CSMD3: variants seen among roughly 807,000 people sequenced by gnomAD.
CSMD3 encodes CUB and Sushi multiple domains 3.
CSMD3 carries 177 observed loss-of-function variants against 435.2 expected under a neutral mutation model. The ratio of observed to expected loss-of-function variants is 0.41; its 90% CI spans 0.36 to 0.46. CSMD3 has a LOEUF of 0.46. CSMD3 is among the 20% of genes least tolerant of loss of function. The probability of loss-of-function intolerance (pLI) is 0.34; values close to 1 mark genes in which losing one functional copy is unlikely to be tolerated. For missense variants in CSMD3, 4,265 were observed against 4,504.6 expected, an observed-to-expected ratio of 0.95 and a Z score of 1.52; for synonymous variants, 1,656 against 1,520.5, an observed-to-expected ratio of 1.09 and a Z score of -2.07.
chr8:112,829,695 A>G lies in CSMD3; in HGVS notation c.1850T>C (p.Val617Ala). 6.3e-7 allele frequency: 1 copy of G among 1,597,652 alleles called. No homozygotes were observed. Among genetic ancestry groups the G allele is most frequent in the Non-Finnish European group, 8.6e-7 (1 of 1,164,998 alleles). ...AACATTGGGAACTTACACTTGGAGC[A>G]CTGTCCTAGGATCTCCAACTTCGCC... ...DGGEVGDPRT[V>A]LQVLTGSFVP... Residue 617 changes from valine (V) to alanine (A), a missense_variant, in exon 12 of 71, where the codon GTG becomes GCG. Physicochemically the swap from Val to Ala is moderately conservative, Grantham distance 64. Around this residue, in one of 3 missense-constraint regions of CSMD3, gnomAD observed 731 missense variants for 755.4 expected, o/e 0.97. Coordinates refer to ENST00000297405, the MANE Select transcript of CSMD3 (RefSeq NM_198123.2).
rs2131188565 is a variant in CSMD3 at position 112,550,700 on chromosome 8, C to T, written c.4535G>A (p.Ser1512Asn). 1 of 1,607,122 alleles carries T rather than the reference C, an allele frequency of 6.2e-7. No homozygotes were observed. Among genetic ancestry groups the T allele is most frequent in the Non-Finnish European group, 8.5e-7 (1 of 1,174,250 alleles). Residue 1512 changes from serine to asparagine, a missense_variant, in exon 27 of 71, where the codon AGC (serine) becomes AAC (asparagine). By Grantham distance (46) the Ser-to-Asn change is conservative (BLOSUM62 1). Coordinates refer to ENST00000297405, the MANE Select transcript of CSMD3 (RefSeq NM_198123.2). ...TIQFDTDFYI[S>N]KSGFAIQFSS... ...AAACTGAATTGCAAATCCAGATTTG[C>T]TAATATAAAAATCCGTGTCAAACTG...
rs772436241 is a variant in CSMD3 at position 112,924,641 on chromosome 8, ATAAC to A, written c.1509-2894_1509-2891del. 5.4e-4 allele frequency among the ~76,000 whole-genome samples: 82 copies of A among 151,652 alleles called. No homozygotes were observed. The East Asian group carries it at 0.015, about 29-fold the overall frequency. ...AATTATAATTATTATAAAATAATAA[ATAAC>A]TGTTTTGCTACTATACTAAAGATTA... On this transcript the variant is annotated intron_variant, in intron 9 of 70. Transcript: ENST00000297405.
At chr8:112,887,287 G>A (rs1329096506) in intron 10 of CSMD3, among the ~76,000 whole-genome samples, 1 of 148,714 alleles carries the variant, frequency 6.7e-6, no homozygotes, top group African/African-American at 2.5e-5. Flanking sequence ...ACCCAGGACA[G>A]CTACAAAACA....
At chr8:112,640,845 A>C (rs77980618) in intron 20 of CSMD3, among the ~76,000 whole-genome samples, 3,419 of 152,232 alleles carry the variant, frequency 0.022, 79 homozygotes, top group Admixed American at 0.064. Context: ...CTAAGAAAAA[A>C]ATAGTTAGAC....
At chr8:113,261,007 C>A (rs998311598) in intron 3 of CSMD3, among the ~76,000 whole-genome samples, 5 of 152,070 alleles carry the variant, frequency 3.3e-5, no homozygotes, top group Non-Finnish European at 5.9e-5. Context: ...CAAGTCTTTG[C>A]TATTGTAAAT....
intron 12 of CSMD3, among the ~76,000 whole-genome samples, chr8:112,826,225 T>C (rs2079676266): frequency 6.6e-6 from 1 of 152,150 alleles, no homozygotes; most frequent in African/African-American, 2.4e-5. Context: ...GCTATAGAGA[T>C]TGCTGCCACC....
intron 1 of CSMD3, among the ~76,000 whole-genome samples, chr8:113,350,019 A>T (rs751763635): frequency 6.6e-6 from 1 of 152,042 alleles, no homozygotes; most frequent in African/African-American, 2.4e-5. Flanking sequence ...GTCCGAGGCT[A>T]CCATGTCAGA....
intron 1 of CSMD3, among the ~76,000 whole-genome samples, chr8:113,401,165 T>C (rs1307262696): frequency 6.6e-6 from 1 of 151,750 alleles, no homozygotes; most frequent in African/African-American, 2.4e-5. Flanking sequence ...ACAGAAGGCA[T>C]GCCTGATTTG....
chr8:113,222,438 C>A (rs1176017473), intron 3 of CSMD3, among the ~76,000 whole-genome samples: 1 of 150,730 alleles, frequency 6.6e-6, no homozygotes, highest in African/African-American at 2.4e-5. Context: ...ATGAATATGT[C>A]ATTTCAAGAA....
intron 1 of CSMD3, among the ~76,000 whole-genome samples, chr8:113,319,004 A>C (rs949461753): frequency 6.6e-6 from 1 of 152,030 alleles, no homozygotes; most frequent in South Asian, 2.1e-4. Context: ...TGCTGCAAAA[A>C]ACATGGGAGT....
chr8:113,223,756 GTGTGTA>G (rs1334812763), intron 3 of CSMD3, among the ~76,000 whole-genome samples: 1,458 of 123,868 alleles, frequency 0.012, 16 homozygotes, highest in African/African-American at 0.041. Flanking sequence ...GTGTTTATGT[GTGTGTA>G]TGTGTGTGTG....
At chr8:112,904,374 C>T (rs971606797) in intron 10 of CSMD3, among the ~76,000 whole-genome samples, 2 of 151,370 alleles carry the variant, frequency 1.3e-5, no homozygotes, top group African/African-American at 4.8e-5. Flanking sequence ...AAAACATCAT[C>T]TTGTACATGA....
chr8:112,819,187 A>G (rs753894506), intron 12 of CSMD3, among the ~76,000 whole-genome samples: 1 of 152,154 alleles, frequency 6.6e-6, no homozygotes, highest in Non-Finnish European at 1.5e-5. Flanking sequence ...TTGAACATGC[A>G]GGCTGGGCTG....
At chr8:113,288,230 ATATT>A (rs1444164798) in intron 2 of CSMD3, among the ~76,000 whole-genome samples, 1 of 151,840 alleles carries the variant, frequency 6.6e-6, no homozygotes, top group African/African-American at 2.4e-5. Flanking sequence ...ATGATGGCTG[ATATT>A]TAAAGTAGAA....
intron 8 of CSMD3, among the ~76,000 whole-genome samples, chr8:112,954,319 A>G (rs371014877): frequency 1.3e-5 from 2 of 151,584 alleles, no homozygotes; most frequent in Non-Finnish European, 3.0e-5. Context: ...AAATTAAGAT[A>G]TAGTCAATCA....
intron 2 of CSMD3, among the ~76,000 whole-genome samples, chr8:113,290,188 C>A (rs1168821319): frequency 6.6e-6 from 1 of 151,244 alleles, no homozygotes; most frequent in Non-Finnish European, 1.5e-5. Flanking sequence ...GTTTTGTTGA[C>A]TTAAATATTT....
At chr8:112,531,261 T>C (rs939858538) in intron 27 of CSMD3, among the ~76,000 whole-genome samples, 1 of 152,090 alleles carries the variant, frequency 6.6e-6, no homozygotes, top group African/African-American at 2.4e-5. Flanking sequence ...ATCCACCCCA[T>C]GCTAGAAGGA....
At chr8:112,370,951 A>ATTCG (rs1828338175) in intron 38 of CSMD3, among the ~76,000 whole-genome samples, 8 of 152,202 alleles carry the variant, frequency 5.3e-5, no homozygotes, top group Admixed American at 5.2e-4. Context: ...TAAAAAGGAA[A>ATTCG]TGATACCAGA....
chr8:112,872,068 G>C (rs1313676302), intron 10 of CSMD3, among the ~76,000 whole-genome samples: 2 of 152,014 alleles, frequency 1.3e-5, no homozygotes, highest in Admixed American at 1.3e-4. Flanking sequence ...AGTAGGCACT[G>C]TTCTCTGAAT....
Sources: gnomAD v4.1 joint callset for allele counts (sites outside exome capture counted in the v4.1 genomes callset) on GRCh38, gnomAD v4.1.1 for gene constraint, gnomAD v4.1.1 regional missense constraint, MANE v1.5 for transcripts, NCBI Gene and HGNC (gene_info 2026-07-23, HGNC 2026-07-21) for gene names.